Variants in CNGB1 observed in about 807,000 individuals in gnomAD.
The protein encoded by CNGB1 is cyclic nucleotide gated channel subunit beta 1.
In CNGB1, 126 loss-of-function variants were observed where a neutral mutation model predicts 151.7. That is an observed-to-expected ratio of 0.83 (90% CI 0.72 to 0.96). The LOEUF is 0.96. Ranked by LOEUF, CNGB1 falls within the 40% of genes least tolerant of loss-of-function variation. The probability of loss-of-function intolerance (pLI) is 0.00; values close to 1 mark genes in which losing one functional copy is unlikely to be tolerated. For synonymous variants in CNGB1, 623 were observed against 635.1 expected, an observed-to-expected ratio of 0.98 and a Z score of 0.29; for missense variants, 1,698 against 1,627.0, an observed-to-expected ratio of 1.04 and a Z score of -0.75.
rs770265883 is a variant in CNGB1, at chr16:57,911,853, G to A, written c.2392C>T (p.Leu798Phe). The A allele has an allele frequency of 1.9e-6, 3 of 1,613,738 alleles. No homozygotes were observed. Among genetic ancestry groups the A allele is most frequent in the African/African-American group, 2.7e-5 (2 of 74,904 alleles). The change falls in exon 25 of 33, where the codon CTT becomes TTT. Residue 798 changes from leucine to phenylalanine, a missense_variant. Coordinates refer to ENST00000251102, the MANE Select transcript of CNGB1 (RefSeq NM_001297.5). ...VYRVIRTTAY[L>F]LYSLHLNSCL... ...GAATTCAAATGCAGGCTGTAGAGAA[G>A]GTAGGCTGTGGTCCTGATGACCCTG... is the stretch of plus-strand genomic sequence containing the variant.
At chr16:57,928,294 C>G (rs1243393870) in intron 17 of CNGB1, among the ~76,000 whole-genome samples, 4 of 152,158 alleles carry the variant, frequency 2.6e-5, no homozygotes, top group African/African-American at 7.2e-5. Flanking sequence ...GAGAAAGGAG[C>G]CTAAGGGCAG....
intron 32 of CNGB1, among the ~76,000 whole-genome samples, chr16:57,887,224 G>A (rs1014232739): frequency 1.3e-5 from 2 of 152,038 alleles, no homozygotes; most frequent in Non-Finnish European, 2.9e-5. Context: ...TATTAAATAT[G>A]AGGACACACT....
chr16:57,965,731 GACACATACAC>G (rs1962378815), intron 2 of CNGB1, among the ~76,000 whole-genome samples: 1 of 151,938 alleles, frequency 6.6e-6, no homozygotes, highest in African/African-American at 2.4e-5. Context: ...GAAATATGTA[GACACATACAC>G]ACACATACAC....
intron 16 of CNGB1, among the ~76,000 whole-genome samples, chr16:57,935,049 A>G (rs1363567621): frequency 7.3e-5 from 11 of 151,396 alleles, no homozygotes; most frequent in Non-Finnish European, 1.5e-4. Flanking sequence ...CCATCTCAAA[A>G]AAAAAAAAAA....
At chr16:57,886,180 C>T (rs1169894725) in intron 32 of CNGB1, among the ~76,000 whole-genome samples, 2 of 152,186 alleles carry the variant, frequency 1.3e-5, no homozygotes, top group East Asian at 3.9e-4. Flanking sequence ...ATTTGTGTCT[C>T]TGAATGTCTA....
intron 14 of CNGB1, among the ~76,000 whole-genome samples, chr16:57,943,727 G>A (rs1328600590): frequency 6.6e-6 from 1 of 152,140 alleles, no homozygotes; most frequent in Non-Finnish European, 1.5e-5. Context: ...CTTACACACT[G>A]TTGGTGGGAT....
chr16:57,933,073 C>T (rs1257211216), intron 16 of CNGB1, among the ~76,000 whole-genome samples: 3 of 152,072 alleles, frequency 2.0e-5, no homozygotes, highest in Non-Finnish European at 4.4e-5. Context: ...GGACCACAGA[C>T]GCACACCACC....
At chr16:57,907,897 T>A (rs1209031803) in intron 25 of CNGB1, among the ~76,000 whole-genome samples, 8 of 152,146 alleles carry the variant, frequency 5.3e-5, no homozygotes, top group Non-Finnish European at 8.8e-5. Flanking sequence ...CCCTGGCCTC[T>A]GGCACATCTC....
chr16:57,908,959 G>T (rs1347222005), intron 25 of CNGB1, among the ~76,000 whole-genome samples: 1 of 152,350 alleles, frequency 6.6e-6, no homozygotes, highest in African/African-American at 2.4e-5. Context: ...CAGGGCAGGG[G>T]AGCGAGTGTC....
Position 57,966,388 on chromosome 16 carries a change from G to T in CNGB1, c.159+740C>A, listed in dbSNP as rs764352387. On this transcript the variant is annotated intron_variant, in intron 2 of 32. Transcript: ENST00000251102. ...AATTAGAAGCTAAATCAAATGTGTC[G>T]AATTGAGCTGCTGAATTAGTTGTCA... is the stretch of plus-strand genomic sequence containing the variant. 3.3e-5 allele frequency among the ~76,000 whole-genome samples: 5 copies of T among 152,172 alleles called. No individual in the cohort carries two copies. In the South Asian group the frequency reaches 8.3e-4, roughly 25 times the overall value.
intron 21 of CNGB1, among the ~76,000 whole-genome samples, chr16:57,916,805 A>G (rs1960878357): frequency 6.6e-6 from 1 of 152,150 alleles, no homozygotes; most frequent in South Asian, 2.1e-4. Context: ...GTGTTTTTGC[A>G]GGACCCCTGG....
intron 14 of CNGB1, among the ~76,000 whole-genome samples, chr16:57,949,130 GT>G (rs1961880843): frequency 1.3e-5 from 2 of 150,570 alleles, no homozygotes; most frequent in African/African-American, 2.5e-5. Context: ...ATTCTAGTGT[GT>G]GTGGGGGGGG....
chr16:57,938,955 A>G (rs1179268070), intron 16 of CNGB1, among the ~76,000 whole-genome samples: 1 of 152,216 alleles, frequency 6.6e-6, no homozygotes, highest in African/African-American at 2.4e-5. Context: ...CATGGAGTCC[A>G]GGACACTCTG....
intron 9 of CNGB1, 106 bp downstream of exon 9, chr16:57,960,376 G>T: frequency 7.1e-7 from 1 of 1,418,360 alleles, no homozygotes. Context: ...GTCCTAGTCT[G>T]GGTGGGGGCT....
At chr16:57,919,299 A>G (rs1332296702) in intron 19 of CNGB1, 45 bp from the exon 20 acceptor site, 1 of 1,613,596 alleles carries the variant, frequency 6.2e-7, no homozygotes, top group East Asian at 2.2e-5. Flanking sequence ...CCTGAGGCCC[A>G]GGTAGAGGAT....
In CNGB1 at chr16:57,939,546, T is replaced by C. The variant is rs754491100; in HGVS notation, c.1256A>G (p.Glu419Gly). The C allele has an allele frequency of 2.5e-6, 4 of 1,614,044 alleles. No individual in the cohort carries two copies. The East Asian group carries it at 8.9e-5, about 36-fold the overall frequency. ...CTCCTCGGCCTCCTCCTTGGCCTTC[T>C]CTTCAGCCTCCTTCTTGGCCTCCTC... is the stretch of plus-strand genomic sequence containing the variant. ...VGEEAKKEAE[E>G]KAKEEAEEVA... Residue 419 changes from glutamate (E) to glycine (G), a missense_variant, in exon 16 of 33, where the codon GAG becomes GGG. Glu to Gly is a moderately conservative substitution (Grantham distance 98). Transcript: ENST00000251102.
chr16:57,899,462 A>G lies in CNGB1; in HGVS notation c.2977-1548T>C, dbSNP rs532771675. 2.0e-5 allele frequency among the ~76,000 whole-genome samples: 3 copies of G among 152,352 alleles called. 1 individual carries two copies. The highest frequency in any genetic ancestry group is 7.2e-5 in the African/African-American group (3 of 41,580). On this transcript the variant is annotated intron_variant, in intron 29 of 32. Transcript: ENST00000251102. The stretch of plus-strand genomic sequence containing the variant: ...CGAGACCAGCCTAGCCAACATGGCA[A>G]AACCCTGTCTTGACTAAAAATAAAA...
intron 16 of CNGB1, among the ~76,000 whole-genome samples, chr16:57,935,849 C>T (rs543883699): frequency 1.3e-4 from 20 of 151,918 alleles, no homozygotes; most frequent in African/African-American, 3.6e-4. Flanking sequence ...AGATGGAGGC[C>T]GGGGTGGCAC....
intron 18 of CNGB1, among the ~76,000 whole-genome samples, chr16:57,921,164 C>T (rs903933688): frequency 1.4e-4 from 20 of 147,186 alleles, no homozygotes; most frequent in African/African-American, 3.5e-4. Flanking sequence ...AAACTGCAGT[C>T]GACTACTCTT....
Sources: gnomAD v4.1 joint callset for allele counts (sites outside exome capture counted in the v4.1 genomes callset) on GRCh38, gnomAD v4.1.1 for gene constraint, MANE v1.5 for transcripts, NCBI Gene and HGNC (gene_info 2026-07-23, HGNC 2026-07-21) for gene names.